The following ATP13A3 variants were observed in gnomAD, a reference collection of about 807,000 sequenced individuals.
ATP13A3 encodes the protein ATPase 13A3, also known as polyamine-transporting ATPase 13A3.
A neutral mutation model predicts 158.1 loss-of-function variants in ATP13A3; 59 were observed. That is an observed-to-expected ratio of 0.37 (90% CI 0.30 to 0.46). The LOEUF (loss-of-function observed/expected upper bound fraction) is 0.46. Among genes scored for constraint, ATP13A3 ranks in the 20% least tolerant of loss-of-function variants. The probability of loss-of-function intolerance (pLI) is 1.00; values close to 1 mark genes in which losing one functional copy is unlikely to be tolerated. For synonymous variants in ATP13A3, 491 were observed against 504.3 expected (o/e 0.97, Z 0.35); for missense variants, 1,166 against 1,525.2 (o/e 0.76, Z 3.92).
chr3:194,459,567 C>T (rs1719487839), intron 5 of ATP13A3, 26 bp from the exon 6 acceptor site: 1 of 1,550,976 alleles, frequency 6.4e-7, no homozygotes, highest in Non-Finnish European at 8.9e-7. Flanking sequence ...AAACGTTACA[C>T]CAAAAAGCAT....
chr3:194,462,016 A>G, intron 3 of ATP13A3, 124 bp downstream of exon 3: 1 of 837,586 alleles, frequency 1.2e-6, no homozygotes, highest in Admixed American at 2.2e-5. Context: ...CAGGATGAAG[A>G]AAGAAGCCCA....
intron 14 of ATP13A3, 145 bp from the exon 15 acceptor site, chr3:194,444,931 C>T (rs1577063288): frequency 3.5e-6 from 2 of 570,714 alleles, no homozygotes; most frequent in East Asian, 6.1e-5. Context: ...AAAAAAGAAA[C>T]AGGCAAGATC....
chr3:194,433,115 A>G (rs1717346940), intron 21 of ATP13A3, among the ~76,000 whole-genome samples: 1 of 152,184 alleles, frequency 6.6e-6, no homozygotes, highest in South Asian at 2.1e-4. Context: ...ATATTCTAGT[A>G]CAGAAAACAA....
chr3:194,458,068 G>C (rs1018458042), intron 6 of ATP13A3, among the ~76,000 whole-genome samples: 2 of 151,998 alleles, frequency 1.3e-5, no homozygotes, highest in South Asian at 4.2e-4. Flanking sequence ...TTACAGGCAT[G>C]AGCCACCACC....
intron 14 of ATP13A3, among the ~76,000 whole-genome samples, chr3:194,446,403 G>C (rs1718408475): frequency 6.6e-6 from 1 of 152,176 alleles, no homozygotes; most frequent in South Asian, 2.1e-4. Context: ...GTCTGCGCGA[G>C]TGTGAGTACA....
At chr3:194,441,896 C>G (rs1306600723) in intron 15 of ATP13A3, among the ~76,000 whole-genome samples, 1 of 152,144 alleles carries the variant, frequency 6.6e-6, no homozygotes, top group Non-Finnish European at 1.5e-5. Flanking sequence ...ATAAGCTTGT[C>G]TTTTTCCTCA....
chr3:194,492,148 C>T (rs1721153839), intron 2 of ATP13A3, among the ~76,000 whole-genome samples: 1 of 152,282 alleles, frequency 6.6e-6, no homozygotes, highest in South Asian at 2.1e-4. Context: ...CCTCTGCTCT[C>T]CCCGTCTTCT....
At chr3:194,418,041 A>G (rs1253764995) in intron 31 of ATP13A3, among the ~76,000 whole-genome samples, 1 of 151,634 alleles carries the variant, frequency 6.6e-6, no homozygotes, top group Non-Finnish European at 1.5e-5. Flanking sequence ...GAAAGAAGGA[A>G]TGAAGGAAGG....
intron 11 of ATP13A3, among the ~76,000 whole-genome samples, chr3:194,449,227 C>T (rs115284655): frequency 3.7e-4 from 56 of 152,134 alleles, no homozygotes; most frequent in African/African-American, 1.3e-3. Flanking sequence ...TCAAAGAAGG[C>T]ATGTGTGTCA....
chr3:194,481,753 A>C (rs1243730237), intron 2 of ATP13A3, among the ~76,000 whole-genome samples: 2 of 152,192 alleles, frequency 1.3e-5, no homozygotes, highest in Non-Finnish European at 2.9e-5. Flanking sequence ...AGACCACATA[A>C]TTAGGAAATT....
At chr3:194,487,800 G>A (rs1721068467), upstream of ATP13A3, 1 of 152,334 alleles carries the variant, frequency 6.6e-6, no homozygotes, top group Admixed American at 6.5e-5. Flanking sequence ...CACCTGGCCT[G>A]CGCCCTTTGT....
intron 20 of ATP13A3, among the ~76,000 whole-genome samples, chr3:194,435,726 G>A (rs1227372956): frequency 6.6e-6 from 1 of 152,156 alleles, no homozygotes; most frequent in Non-Finnish European, 1.5e-5. Flanking sequence ...GGCCAACATA[G>A]TGAAACCCTG....
At chr3:194,471,510 C>A (rs572463937) in intron 2 of ATP13A3, among the ~76,000 whole-genome samples, 1 of 152,140 alleles carries the variant, frequency 6.6e-6, no homozygotes, top group African/African-American at 2.4e-5. Context: ...TGTACCATCA[C>A]GCCCAGCAAA....
In ATP13A3 at chr3:194,448,653, C is replaced by T; in HGVS notation, c.971-17G>A. On this transcript the variant is annotated splice_polypyrimidine_tract_variant and intron_variant, in intron 11 of 33. Coordinates refer to ENST00000645319, the MANE Select transcript of ATP13A3 (RefSeq NM_001367549.1). This position sits in a 1 kb window ranked among gnomAD's most constrained non-coding sequence, Gnocchi z 4.0. The stretch of plus-strand genomic sequence containing the variant: ...CACTTTCTCCTTTAAAAAACAACAA[C>T]AACAACAAAAACAGTTTACAAATTA... 5.0e-6 allele frequency: 8 copies of T among 1,601,120 alleles called. No homozygotes were observed. In the South Asian group the frequency reaches 9.1e-5, roughly 18 times the overall value.
At chr3:194,478,367 G>A (rs757264727) in intron 2 of ATP13A3, among the ~76,000 whole-genome samples, 12 of 151,722 alleles carry the variant, frequency 7.9e-5, no homozygotes, top group Non-Finnish European at 1.5e-4. Flanking sequence ...ACCAAGAACA[G>A]AAAAGACTTC....
chr3:194,439,543 T>G (rs1193057477), intron 16 of ATP13A3, among the ~76,000 whole-genome samples: 1 of 152,234 alleles, frequency 6.6e-6, no homozygotes, highest in African/African-American at 2.4e-5. Flanking sequence ...AAACACACAC[T>G]ATAATTAGTG....
chr3:194,441,483 T>C, intron 15 of ATP13A3, 22 bp from the exon 16 acceptor site: 1 of 1,598,062 alleles, frequency 6.3e-7, no homozygotes, highest in Non-Finnish European at 8.6e-7. Context: ...ACACACTGAA[T>C]TAGTTTCATA....
intron 33 of ATP13A3, among the ~76,000 whole-genome samples, chr3:194,408,021 CTT>C (rs778831468): frequency 9.4e-5 from 13 of 138,256 alleles, no homozygotes; most frequent in Non-Finnish European, 7.9e-5. Context: ...AAGCTGTCAC[CTT>C]TTTTTTTTTT....
intron 11 of ATP13A3, among the ~76,000 whole-genome samples, chr3:194,449,305 AAC>A (rs1718635897): frequency 6.6e-6 from 1 of 152,190 alleles, no homozygotes. Context: ...CACGACTCTT[AAC>A]AGTTTCAAAA....
Sources: allele counts gnomAD v4.1 joint callset (sites outside exome capture counted in the v4.1 genomes callset), GRCh38; gene constraint gnomAD v4.1.1; non-coding constraint Gnocchi (gnomAD v3.1); transcripts MANE v1.5; gene names NCBI Gene and HGNC (gene_info 2026-07-23, HGNC 2026-07-21).